PPP2R5C: variants seen among roughly 807,000 people sequenced by gnomAD.
PPP2R5C encodes the protein protein phosphatase 2 regulatory subunit B'gamma, also known as serine/threonine-protein phosphatase 2A 56 kDa regulatory subunit gamma isoform.
Under a neutral mutation model 68.9 loss-of-function variants are expected in PPP2R5C, and 7 were observed. The observed-to-expected ratio is 0.10, with a 90% CI of 0.06 to 0.19. The LOEUF (loss-of-function observed/expected upper bound fraction) is 0.19. Among genes scored for constraint, PPP2R5C ranks in the 10% least tolerant of loss-of-function variants. The pLI is 1.00. For missense variants in PPP2R5C, 348 were observed against 641.3 expected (o/e 0.54, Z 4.94); for synonymous variants, 210 against 222.2 (o/e 0.95, Z 0.49).
chr14:101,829,496 CA>C (rs2040604617), intron 1 of PPP2R5C, among the ~76,000 whole-genome samples: 2 of 152,298 alleles, frequency 1.3e-5, no homozygotes, highest in East Asian at 3.9e-4. Context: ...GCAGCCTGAA[CA>C]CAGGTTTCTT....
Position 101,917,711 on chromosome 14 carries a change from G to A in PPP2R5C, c.1327-120G>A. 7.2e-7 allele frequency: 1 copy of A among 1,386,666 alleles called. No homozygotes were observed. The highest frequency in any genetic ancestry group is 9.8e-7 in the Non-Finnish European group (1 of 1,017,958). The allele number at this position is 1,386,666 out of a possible 1,614,324, so 85.9% of individuals were successfully genotyped here. On this transcript the variant is annotated intron_variant, in intron 12 of 13. Coordinates refer to ENST00000334743, the Ensembl canonical transcript of PPP2R5C. The surrounding 1 kb of genome is among the most constrained non-coding windows in gnomAD (Gnocchi z 4.4). Reference sequence around the variant, plus strand: ...GTGTAGGCGAGTCTCCCACTGAGTGGGCTTCCTGCGGGAGAGGGCCCTGGG... The same window carrying A: ...GTGTAGGCGAGTCTCCCACTGAGTGAGCTTCCTGCGGGAGAGGGCCCTGGG...
chr14:101,769,282 A>G (rs1402682273), intron 2 of PPP2R5C, among the ~76,000 whole-genome samples: 1 of 152,212 alleles, frequency 6.6e-6, no homozygotes, highest in African/African-American at 2.4e-5. Context: ...TGTCATGTAC[A>G]CTGTGTTAGA....
rs551208203 is a variant in PPP2R5C at position 101,877,543 on chromosome 14, A to T, written c.295-4618A>T. Among the ~76,000 whole-genome samples, 1 of 152,068 alleles carries T rather than the reference A, an allele frequency of 6.6e-6. No individual in the cohort carries two copies. Among genetic ancestry groups the T allele is most frequent in the Admixed American group, 6.6e-5 (1 of 15,262 alleles). ...TGTCTTCTCTGTTTCCTCAGACCGG[A>T]TCCATGCATCCAGGTAGCATGGCAG... On this transcript the variant is annotated intron_variant, in intron 2 of 13. Coordinates refer to ENST00000334743, the Ensembl canonical transcript of PPP2R5C. The surrounding 1 kb of genome is among the most constrained non-coding windows in gnomAD (Gnocchi z 4.2).
At chr14:101,883,118 A>T in intron 3 of PPP2R5C, 139 bp from the exon 6 acceptor site, 1 of 621,058 alleles carries the variant, frequency 1.6e-6, no homozygotes. Context: ...TAAGCCATGT[A>T]ATTTAGCATT....
chr14:101,795,258 G>A (rs1001114420), intron 3 of PPP2R5C, among the ~76,000 whole-genome samples: 2 of 152,166 alleles, frequency 1.3e-5, no homozygotes, highest in Admixed American at 6.5e-5. Context: ...AATAGATATT[G>A]TCTACACACT....
intron 3 of PPP2R5C, 52 bp from the exon 6 acceptor site, chr14:101,883,205 G>T (rs1741126): frequency 0.22 from 274,077 of 1,262,978 alleles, 40,467 homozygotes; most frequent in African/African-American, 0.74. Flanking sequence ...TATTTTAACC[G>T]CCATTCAATA....
In PPP2R5C at chr14:101,913,554, G is replaced by A. The variant is rs1014082735; in HGVS notation, c.1326+1081G>A. 5.3e-5 allele frequency among the ~76,000 whole-genome samples: 8 copies of A among 152,184 alleles called. No individual in the cohort carries two copies. Among genetic ancestry groups the A allele is most frequent in the African/African-American group, 1.4e-4 (6 of 41,446 alleles). ...ATTTTTCTAGCAGTTATTTACTCAT[G>A]CTGACAGAAATGCTGTTTTAAGATT... On this transcript the variant is annotated intron_variant, in intron 12 of 13. Transcript: ENST00000334743. The surrounding 1 kb of genome is among the most constrained non-coding windows in gnomAD (Gnocchi z 4.1).
chr14:101,832,376 T>C (rs887877987), intron 1 of PPP2R5C, among the ~76,000 whole-genome samples: 4 of 152,232 alleles, frequency 2.6e-5, no homozygotes, highest in Non-Finnish European at 5.9e-5. Context: ...AATATATAAT[T>C]AGCACATCAA....
At chr14:101,791,366 G>A (rs1162234408) in intron 3 of PPP2R5C, among the ~76,000 whole-genome samples, 3 of 152,024 alleles carry the variant, frequency 2.0e-5, no homozygotes, top group Non-Finnish European at 4.4e-5. Flanking sequence ...CTTTTTTTAA[G>A]TTGGTTGTCT....
rs1390269370 is a variant in PPP2R5C, at chr14:101,899,888, A to T, written c.853-1831A>T. Reference sequence around the variant, plus strand: ...GAAAACTAGCAGCACTTCCTTTTTTATTTTTATTTGGCTCTTTTGGGGTTT... The same window carrying T: ...GAAAACTAGCAGCACTTCCTTTTTTTTTTTTATTTGGCTCTTTTGGGGTTT... On this transcript the variant is annotated intron_variant, in intron 8 of 13. Transcript: ENST00000334743. The surrounding 1 kb of genome is among the most constrained non-coding windows in gnomAD (Gnocchi z 4.2). Among the ~76,000 whole-genome samples, 1 of 152,028 alleles carries T rather than the reference A, an allele frequency of 6.6e-6. No homozygotes were observed. The highest frequency in any genetic ancestry group is 6.6e-5 in the Admixed American group (1 of 15,264).
intron 5 of PPP2R5C, chr14:101,889,791 A>G (rs1566943638): frequency 8.3e-6 from 3 of 363,328 alleles, no homozygotes; most frequent in Non-Finnish European, 1.6e-5. Context: ...TGTGCTAAAT[A>G]TTGCGGGCTT....
intron 13 of PPP2R5C, 145 bp downstream of exon 15, chr14:101,918,092 G>A: frequency 8.7e-7 from 1 of 1,151,690 alleles, no homozygotes; most frequent in African/African-American, 2.0e-5. Flanking sequence ...AGGAAACATT[G>A]TATCGATAGA....
rs146440126 is a variant in PPP2R5C, at chr14:101,770,094, C to T, written c.93+7124C>T. On this transcript the variant is annotated intron_variant, in intron 2 of 14. Coordinates refer to the PPP2R5C transcript ENST00000328724. ...AAGATACCATAAAAATATGGTGTTA[C>T]AATCTAAGGCACCACCATCATTTGT... 3.6e-3 allele frequency among the ~76,000 whole-genome samples: 553 copies of T among 152,282 alleles called. 5 individuals carry two copies. The highest frequency in any genetic ancestry group is 0.014 in the Middle Eastern group (4 of 294).
chr14:101,761,830 G>T, upstream of PPP2R5C: 2 of 988,532 alleles, frequency 2.0e-6, no homozygotes, highest in South Asian at 9.1e-5. Flanking sequence ...CGGGGCGGGG[G>T]CGCTGCTGCT....
intron 10 of PPP2R5C, among the ~76,000 whole-genome samples, chr14:101,908,229 C>G (rs565667893): frequency 6.6e-6 from 1 of 152,324 alleles, no homozygotes; most frequent in Admixed American, 6.5e-5. Context: ...CATTTGCTGT[C>G]ACTTAGTGGT....
intron 7 of PPP2R5C, among the ~76,000 whole-genome samples, chr14:101,893,866 G>C (rs2045127639): frequency 6.6e-6 from 1 of 152,220 alleles, no homozygotes; most frequent in Non-Finnish European, 1.5e-5. Flanking sequence ...CATTTACCTG[G>C]ATTTGGTTTT....
At chr14:101,901,933 A>G (rs752123509) in intron 9 of PPP2R5C, 44 bp downstream of exon 11, 11 of 1,586,548 alleles carry the variant, frequency 6.9e-6, no homozygotes, top group Non-Finnish European at 9.5e-6. Flanking sequence ...TCCAGTGTTC[A>G]TTTGGGAAAG....
intron 5 of PPP2R5C, among the ~76,000 whole-genome samples, chr14:101,885,158 G>A (rs562586783): frequency 1.3e-5 from 2 of 152,348 alleles, no homozygotes; most frequent in African/African-American, 2.4e-5. Flanking sequence ...GACAGAGCAC[G>A]GGCCATGGCC....
chr14:101,819,213 A>AG, intron 1 of PPP2R5C: 4 of 781,112 alleles, frequency 5.1e-6, no homozygotes, highest in Admixed American at 2.3e-5. Context: ...GACTTCTCAA[A>AG]GGGGGGTAGC....
Sources: allele counts gnomAD v4.1 joint callset (sites outside exome capture counted in the v4.1 genomes callset), GRCh38; gene constraint gnomAD v4.1.1; non-coding constraint Gnocchi (gnomAD v3.1); transcripts MANE v1.5; gene names NCBI Gene and HGNC (gene_info 2026-07-23, HGNC 2026-07-21).